The following GRIN2B variants were observed in gnomAD, a reference collection of about 807,000 sequenced individuals.
The protein encoded by GRIN2B is glutamate ionotropic receptor NMDA type subunit 2B.
In GRIN2B, 5 loss-of-function variants were observed where a neutral mutation model predicts 114.5. That is an observed-to-expected ratio of 0.04 (90% CI 0.02 to 0.09). The LOEUF (loss-of-function observed/expected upper bound fraction) is 0.09, where lower values mean the gene tolerates loss of function less well. Among genes scored for constraint, GRIN2B ranks in the 10% least tolerant of loss-of-function variants. The pLI, the probability that GRIN2B is intolerant of heterozygous loss-of-function variation, is 1.00. For synonymous variants in GRIN2B, 787 were observed against 745.1 expected (o/e 1.06, Z -0.92); for missense variants, 1,108 against 1,943.5 (o/e 0.57, Z 8.08).
At chr12:13,682,834 C>A (rs1950143403) in intron 4 of GRIN2B, among the ~76,000 whole-genome samples, 1 of 151,996 alleles carries the variant, frequency 6.6e-6, no homozygotes, top group African/African-American at 2.4e-5. Context: ...GCTTTCAGCC[C>A]CCTTGGCCTA....
intron 10 of GRIN2B, among the ~76,000 whole-genome samples, chr12:13,575,277 G>C (rs1189581019): frequency 6.6e-6 from 1 of 152,168 alleles, no homozygotes; most frequent in Non-Finnish European, 1.5e-5. Flanking sequence ...CTGGGAAGAA[G>C]TATTTGAAAA....
At chr12:13,754,852 TC>T (rs150385067) in intron 3 of GRIN2B, among the ~76,000 whole-genome samples, 5,919 of 152,284 alleles carry the variant, frequency 0.039, 395 homozygotes, top group African/African-American at 0.14. Flanking sequence ...GATTTCTCCT[TC>T]CTTTCCAGGG....
At chr12:13,642,099 G>T (rs1440171613) in intron 5 of GRIN2B, among the ~76,000 whole-genome samples, 1 of 152,060 alleles carries the variant, frequency 6.6e-6, no homozygotes, top group East Asian at 1.9e-4. Flanking sequence ...TGAGGCACAA[G>T]AATCGCTTTA....
At chr12:13,631,643 G>A (rs1231326520) in intron 5 of GRIN2B, among the ~76,000 whole-genome samples, 1 of 152,184 alleles carries the variant, frequency 6.6e-6, no homozygotes, top group African/African-American at 2.4e-5. Flanking sequence ...AAGATGCCAG[G>A]TAACTTGCCT....
At chr12:13,765,877 T>C (rs1268451681) in intron 3 of GRIN2B, among the ~76,000 whole-genome samples, 2 of 152,178 alleles carry the variant, frequency 1.3e-5, no homozygotes, top group Non-Finnish European at 2.9e-5. Flanking sequence ...CTCAAGTTTC[T>C]TTTATTCATC....
Position 13,753,896 on chromosome 12 carries a change from A to G in GRIN2B, c.431T>C (p.Phe144Ser). 1 of 1,609,674 alleles carries G rather than the reference A, an allele frequency of 6.2e-7. No homozygotes were observed. Among genetic ancestry groups the G allele is most frequent in the Non-Finnish European group, 8.5e-7 (1 of 1,176,008 alleles). Reference protein sequence around the residue: ...MADKDESSMFFQFGPSIEQQA... With the variant: ...MADKDESSMFSQFGPSIEQQA... ...CTGTTCAATTGATGGGCCAAACTGG[A>G]AGAACATGGAGGATTCATCCTAGAA... Residue 144 changes from phenylalanine to serine, a missense_variant, in exon 4 of 14, where the codon TTC (phenylalanine) becomes TCC (serine). Coordinates refer to ENST00000609686, the MANE Select transcript of GRIN2B (RefSeq NM_000834.5). This position sits in a 1 kb window ranked among gnomAD's most constrained non-coding sequence, Gnocchi z 6.2.
intron 5 of GRIN2B, among the ~76,000 whole-genome samples, chr12:13,619,315 A>T (rs1201882226): frequency 6.6e-6 from 1 of 152,226 alleles, no homozygotes; most frequent in African/African-American, 2.4e-5. Context: ...TTCAATCAGC[A>T]GTCTACAAAA....
chr12:13,730,677 TA>T (rs1273933452), intron 4 of GRIN2B, among the ~76,000 whole-genome samples: 1 of 152,136 alleles, frequency 6.6e-6, no homozygotes, highest in Non-Finnish European at 1.5e-5. Context: ...CACCTCGTAA[TA>T]GGGGGAAAAT....
At chr12:13,785,498 C>T (rs1864208252) in intron 3 of GRIN2B, among the ~76,000 whole-genome samples, 1 of 152,164 alleles carries the variant, frequency 6.6e-6, no homozygotes, top group Non-Finnish European at 1.5e-5. Context: ...TCTGCCTCCA[C>T]CCTTTACCAA....
intron 3 of GRIN2B, among the ~76,000 whole-genome samples, chr12:13,833,704 C>T (rs961642573): frequency 6.6e-6 from 1 of 152,174 alleles, no homozygotes; most frequent in East Asian, 1.9e-4. Flanking sequence ...ACCGAAGGGG[C>T]TCAACAGCCC....
intron 5 of GRIN2B, among the ~76,000 whole-genome samples, chr12:13,672,810 G>T (rs1377256266): frequency 1.3e-5 from 2 of 151,042 alleles, no homozygotes; most frequent in South Asian, 2.1e-4. Flanking sequence ...TACATGTAAA[G>T]TATGATCTAC....
At chr12:13,607,934 G>A (rs1163556574) in intron 10 of GRIN2B, among the ~76,000 whole-genome samples, 3 of 152,142 alleles carry the variant, frequency 2.0e-5, no homozygotes, top group African/African-American at 7.2e-5. Context: ...AGACTGGAGG[G>A]TCAGATGTAT....
chr12:13,678,611 G>T (rs1193640144), intron 4 of GRIN2B, among the ~76,000 whole-genome samples: 7 of 152,010 alleles, frequency 4.6e-5, no homozygotes, highest in African/African-American at 1.7e-4. Flanking sequence ...GTGACATGTA[G>T]CATCCCCAAC....
intron 4 of GRIN2B, among the ~76,000 whole-genome samples, chr12:13,728,848 C>T (rs1221008824): frequency 6.6e-6 from 1 of 152,164 alleles, no homozygotes; most frequent in East Asian, 1.9e-4. Context: ...AAATAACCTA[C>T]CAGTTTGATA....
At chr12:13,570,117 T>C in intron 11 of GRIN2B, 100 bp from the exon 12 acceptor site, 1 of 827,462 alleles carries the variant, frequency 1.2e-6, no homozygotes, top group Non-Finnish European at 2.0e-6. Flanking sequence ...GAAAACTATG[T>C]GGAGAATTGG....
At chr12:13,665,535 C>A (rs986467546) in intron 5 of GRIN2B, among the ~76,000 whole-genome samples, 5 of 152,102 alleles carry the variant, frequency 3.3e-5, no homozygotes, top group Non-Finnish European at 5.9e-5. Context: ...TGTATTGAGG[C>A]AAAAAGCACA....
intron 10 of GRIN2B, among the ~76,000 whole-genome samples, chr12:13,602,527 C>T (rs966123331): frequency 3.9e-5 from 6 of 152,188 alleles, no homozygotes; most frequent in African/African-American, 1.4e-4. Context: ...GAAAGCATGG[C>T]CCCATTTCCT....
In GRIN2B at chr12:13,615,416, A is replaced by G; in HGVS notation, c.1500+77T>C. On this transcript the variant is annotated intron_variant, in intron 7 of 13. Coordinates refer to ENST00000609686, the MANE Select transcript of GRIN2B (RefSeq NM_000834.5). This position sits in a 1 kb window ranked among gnomAD's most constrained non-coding sequence, Gnocchi z 5.8. ...TATATTTTCTGAAATGCATAAAGTG[A>G]GCACGTTTTAAACTTATATTTAGAA... 6.9e-7 allele frequency: 1 copy of G among 1,458,338 alleles called. No individual in the cohort carries two copies. Among genetic ancestry groups the G allele is most frequent in the Non-Finnish European group, 9.6e-7 (1 of 1,038,084 alleles). 90.3% of individuals were successfully genotyped at this position (1,458,338 alleles called of 1,614,324 possible).
Position 13,563,475 on chromosome 12 carries a change from T to C in GRIN2B, c.3763A>G (p.Ser1255Gly). Residue 1255 changes from serine to glycine, a missense_variant, in exon 14 of 14, where the codon AGT (serine) becomes GGT (glycine). By Grantham distance (56) the Ser-to-Gly change is moderately conservative (BLOSUM62 0). Around this residue, in one of 19 missense-constraint regions of GRIN2B, gnomAD observed 478 missense variants for 506.0 expected, o/e 0.94. Coordinates refer to ENST00000609686, the MANE Select transcript of GRIN2B (RefSeq NM_000834.5). The stretch of plus-strand genomic sequence containing the variant: ...AGTTCCTGCAGGGAGTTGTCCTCAC[T>C]GATGTCATACAGGTTGCCTGCTTTC... ...CKKAGNLYDI[S>G]EDNSLQELDQ... is the part of the protein sequence containing the mutation. 6.2e-7 allele frequency: 1 copy of C among 1,614,214 alleles called. No individual in the cohort carries two copies.
Sources: allele counts gnomAD v4.1 joint callset (sites outside exome capture counted in the v4.1 genomes callset), GRCh38; gene constraint gnomAD v4.1.1; regional missense constraint gnomAD v4.1.1; non-coding constraint Gnocchi (gnomAD v3.1); transcripts MANE v1.5; gene names NCBI Gene and HGNC (gene_info 2026-07-23, HGNC 2026-07-21).